BST1: variants seen among roughly 807,000 people sequenced by gnomAD.
The protein encoded by BST1 is ADP-ribosyl cyclase/cyclic ADP-ribose hydrolase 2.
In BST1, 49 loss-of-function variants were observed where a neutral mutation model predicts 40.6. That is an observed-to-expected ratio of 1.21 (90% CI 0.96 to 1.53). The LOEUF is 1.53. Ranked by LOEUF, BST1 falls within the 40% of genes most tolerant of loss-of-function variation. BST1 has a pLI of 0.00. For synonymous variants in BST1, 157 were observed against 159.3 expected (o/e 0.99, Z 0.11); for missense variants, 423 against 395.9 (o/e 1.07, Z -0.58).
In BST1 at chr4:15,707,424, T is replaced by C. The variant is rs930815607; in HGVS notation, c.316-87T>C. The C allele has an allele frequency of 7.9e-6, 12 of 1,524,802 alleles. No homozygotes were observed. In the East Asian group the frequency reaches 2.7e-4, roughly 34 times the overall value. 94.5% of individuals were successfully genotyped at this position (1,524,802 alleles called of 1,614,324 possible). Reference sequence around the variant, plus strand: ...AGGTCAGAGTTGAATGAGAACTGGATTGCCCAACTTGCCTTGATGATATTG... The same window carrying C: ...AGGTCAGAGTTGAATGAGAACTGGACTGCCCAACTTGCCTTGATGATATTG... On this transcript the variant is annotated intron_variant, in intron 2 of 8. Transcript: ENST00000265016.
chr4:15,743,715 G>C, the BST1 span: 1 of 165,390 alleles, frequency 6.0e-6, no homozygotes, highest in Non-Finnish European at 1.3e-5. Context: ...AATCTCACAT[G>C]TTGAGCCCCT....
At chr4:15,756,948 G>T in the BST1 span, among the ~76,000 whole-genome samples, 1 of 152,192 alleles carries the variant, frequency 6.6e-6, no homozygotes, top group East Asian at 1.9e-4. Context: ...CTGAAAAGCT[G>T]CCCTTTGTAA....
the BST1 span, among the ~76,000 whole-genome samples, chr4:15,758,583 A>G: frequency 6.6e-6 from 1 of 152,206 alleles, no homozygotes; most frequent in Non-Finnish European, 1.5e-5. Context: ...TCTCTTAGCA[A>G]TTTTGAAATG....
Position 15,707,540 on chromosome 4 carries a change from T to C in BST1, c.345T>C (p.Leu115=). 6.2e-7 allele frequency: 1 copy of C among 1,614,010 alleles called. No homozygotes were observed. The highest frequency in any genetic ancestry group is 8.5e-7 in the Non-Finnish European group (1 of 1,179,976). ...KSLFWENSHL[L]VNSFADNTRR... is the part of the protein sequence containing the mutation. ...TGTTCTGGGAAAATAGCCACCTCCT[T>C]GTTAACAGCTTTGCAGACAACACCC... Residue 115 remains leucine, a synonymous_variant, in exon 3 of 9, where the codon CTT becomes CTC. Coordinates refer to ENST00000265016, the MANE Select transcript of BST1 (RefSeq NM_004334.3).
the BST1 span, among the ~76,000 whole-genome samples, chr4:15,747,868 G>A: frequency 6.6e-6 from 1 of 152,068 alleles, no homozygotes; most frequent in African/African-American, 2.4e-5. Flanking sequence ...GTAGAGATGT[G>A]GTCTTGCTAT....
chr4:15,748,702 G>T, the BST1 span, among the ~76,000 whole-genome samples: 1 of 152,174 alleles, frequency 6.6e-6, no homozygotes, highest in Non-Finnish European at 1.5e-5. Flanking sequence ...GAGGGCCATT[G>T]AGGTCTTCTG....
intron 3 of BST1, 129 bp downstream of exon 3, chr4:15,707,775 A>G (rs1480223333): frequency 2.2e-5 from 25 of 1,144,620 alleles, no homozygotes; most frequent in Non-Finnish European, 3.0e-5. Flanking sequence ...ATAAGTGGCA[A>G]GAATAGTTAA....
chr4:15,715,213 T>TA, intron 4 of BST1, 72 bp from the exon 5 acceptor site: 6 of 1,395,898 alleles, frequency 4.3e-6, no homozygotes, highest in Admixed American at 3.6e-5. Context: ...TGACAATTTG[T>TA]AAAAAATGCA....
chr4:15,765,566 A>G, the BST1 span, among the ~76,000 whole-genome samples: 1 of 151,956 alleles, frequency 6.6e-6, no homozygotes, highest in Non-Finnish European at 1.5e-5. Context: ...TTAAATCTCT[A>G]TCCTCATCTC....
the BST1 span, among the ~76,000 whole-genome samples, chr4:15,754,911 T>C: frequency 2.4e-4 from 36 of 152,328 alleles, no homozygotes; most frequent in Non-Finnish European, 4.7e-4. Flanking sequence ...TACAAATACA[T>C]GTTATTACTC....
At chr4:15,722,201 T>C (rs1003164252) in intron 7 of BST1, among the ~76,000 whole-genome samples, 1 of 152,226 alleles carries the variant, frequency 6.6e-6, no homozygotes, top group Admixed American at 6.5e-5. Flanking sequence ...GGTTAGAAGC[T>C]CAGGCCCTAG....
At chr4:15,768,092 C>T in the BST1 span, among the ~76,000 whole-genome samples, 1 of 152,324 alleles carries the variant, frequency 6.6e-6, no homozygotes, top group East Asian at 1.9e-4. Context: ...TCCCTTAAAT[C>T]CAGACACCTG....
the BST1 span, among the ~76,000 whole-genome samples, chr4:15,759,350 T>C: frequency 6.6e-6 from 1 of 151,896 alleles, no homozygotes; most frequent in African/African-American, 2.4e-5. Flanking sequence ...ACTCAAGTTT[T>C]CAAATCTGTA....
At chr4:15,738,108 A>G in exon 7 of BST1, 1 of 229,468 alleles carries the variant, frequency 4.4e-6, no homozygotes, top group South Asian at 5.7e-5. Context: ...GGTAAACTAC[A>G]GAGGCTGGGT....
At chr4:15,715,173 A>T in intron 4 of BST1, 112 bp from the exon 5 acceptor site, 8 of 979,302 alleles carry the variant, frequency 8.2e-6, no homozygotes, top group Non-Finnish European at 1.2e-5. Context: ...GAAATGCCAC[A>T]TTTATCATAT....
chr4:15,737,379 C>T (rs57582034), downstream of BST1, among the ~76,000 whole-genome samples: 14 of 152,304 alleles, frequency 9.2e-5, no homozygotes, highest in East Asian at 2.7e-3. Context: ...TCCTATTTTA[C>T]AGATGAGAAA....
chr4:15,743,529 G>T, the BST1 span: 1 of 354,240 alleles, frequency 2.8e-6, no homozygotes, highest in South Asian at 2.3e-5. Flanking sequence ...AGAGCAGAAT[G>T]TTAAGGAAGC....
intron 8 of BST1, among the ~76,000 whole-genome samples, chr4:15,724,257 G>A (rs372377357): frequency 5.3e-5 from 8 of 152,350 alleles, no homozygotes; most frequent in Non-Finnish European, 8.8e-5. Context: ...CATAGTAGGT[G>A]CACCATCTAT....
chr4:15,761,996 C>G, the BST1 span, among the ~76,000 whole-genome samples: 1 of 151,554 alleles, frequency 6.6e-6, no homozygotes, highest in Admixed American at 6.6e-5. Flanking sequence ...GATCACGAGC[C>G]TGGCCAATAT....
Sources: allele counts gnomAD v4.1 joint callset (sites outside exome capture counted in the v4.1 genomes callset), GRCh38; gene constraint gnomAD v4.1.1; transcripts MANE v1.5; gene names NCBI Gene and HGNC (gene_info 2026-07-23, HGNC 2026-07-21).